The following FRMD3 variants were observed in gnomAD, a reference collection of about 807,000 sequenced individuals.
The protein encoded by FRMD3 is FERM domain containing 3, also known as FERM domain-containing protein 3.
A neutral mutation model predicts 70.2 loss-of-function variants in FRMD3; 33 were observed. That is an observed-to-expected ratio of 0.47 (90% CI 0.36 to 0.63). FRMD3 has a LOEUF of 0.63. Among genes scored for constraint, FRMD3 ranks in the 20% least tolerant of loss-of-function variants. The pLI is 0.00. For missense variants in FRMD3, 632 were observed against 711.4 expected, an observed-to-expected ratio of 0.89 and a Z score of 1.27; for synonymous variants, 279 against 255.9, an observed-to-expected ratio of 1.09 and a Z score of -0.86.
At chr9:83,522,063 G>C (rs920315069) in intron 1 of FRMD3, among the ~76,000 whole-genome samples, 7 of 151,432 alleles carry the variant, frequency 4.6e-5, no homozygotes, top group African/African-American at 1.7e-4. Flanking sequence ...ACCAAGGAAG[G>C]GGGTGTGGGA....
At chr9:83,354,846 A>G (rs1317421749) in intron 3 of FRMD3, among the ~76,000 whole-genome samples, 3 of 152,184 alleles carry the variant, frequency 2.0e-5, no homozygotes, top group African/African-American at 4.8e-5. Flanking sequence ...CCCCACTCCA[A>G]TCAAACCCAT....
At chr9:83,327,128 A>G (rs1836049796) in intron 6 of FRMD3, among the ~76,000 whole-genome samples, 2 of 152,160 alleles carry the variant, frequency 1.3e-5, no homozygotes. Flanking sequence ...GTTCCCTCTG[A>G]CCCATCTGAG....
At chr9:83,464,459 C>A (rs1044472476) in intron 1 of FRMD3, among the ~76,000 whole-genome samples, 10 of 152,190 alleles carry the variant, frequency 6.6e-5, no homozygotes, top group African/African-American at 2.4e-4. Flanking sequence ...GTCACCATCA[C>A]CCCTCTTTGC....
intron 5 of FRMD3, among the ~76,000 whole-genome samples, chr9:83,340,524 A>T (rs1823720677): frequency 6.6e-6 from 1 of 152,184 alleles, no homozygotes. Context: ...ATCCAGCAGG[A>T]GTCAAGATTT....
At chr9:83,254,363 T>A (rs971900502) in intron 13 of FRMD3, among the ~76,000 whole-genome samples, 4 of 151,858 alleles carry the variant, frequency 2.6e-5, no homozygotes, top group South Asian at 2.1e-4. Context: ...AAATTTATAA[T>A]AAAGTTGTAA....
chr9:83,339,937 A>C (rs1404132064), intron 5 of FRMD3, among the ~76,000 whole-genome samples: 1 of 152,220 alleles, frequency 6.6e-6, no homozygotes, highest in Non-Finnish European at 1.5e-5. Context: ...AATCAGGCAC[A>C]GTCATTTAAC....
At position 83,273,060 on chromosome 9, in the gene FRMD3, C is replaced by T. The variant is rs1225432509; in HGVS notation, c.1195+17543G>A. Among the ~76,000 whole-genome samples, 774 of 134,570 alleles carry T rather than the reference C, an allele frequency of 5.8e-3. 12 individuals carry two copies. The highest frequency in any genetic ancestry group is 0.022 in the African/African-American group (740 of 33,910). 88.3% of individuals were successfully genotyped at this position (134,570 alleles called of 152,430 possible). A position where few individuals can be genotyped will look rare whatever the true frequency, so the allele number is the denominator to read the frequency against. ...GCCCCGTCCGGGAGGTGGGGGGGGG[C>T]GCCTCTGCCCGGCCACCCCTTCTGG... On this transcript the variant is annotated intron_variant, in intron 13 of 13. Coordinates refer to ENST00000304195, the MANE Select transcript of FRMD3 (RefSeq NM_174938.6).
In FRMD3 at chr9:83,278,788, G is replaced by C. The variant is rs1052449790; in HGVS notation, c.1195+11815C>G. 2.0e-5 allele frequency among the ~76,000 whole-genome samples: 3 copies of C among 152,294 alleles called. No individual in the cohort carries two copies. The East Asian group carries it at 5.8e-4, about 29-fold the overall frequency. Reference sequence around the variant, plus strand: ...GTCCTGAGGGAGCAGAGTGCTGGGGGTCAGGGCGGGGACCAGGGCAGGGAC... The same window carrying C: ...GTCCTGAGGGAGCAGAGTGCTGGGGCTCAGGGCGGGGACCAGGGCAGGGAC... On this transcript the variant is annotated intron_variant, in intron 13 of 13. Coordinates refer to ENST00000304195, the MANE Select transcript of FRMD3 (RefSeq NM_174938.6).
intron 3 of FRMD3, among the ~76,000 whole-genome samples, chr9:83,371,729 T>C (rs539319881): frequency 6.6e-6 from 1 of 152,298 alleles, no homozygotes; most frequent in African/African-American, 2.4e-5. Context: ...CCCTGGACTT[T>C]CCACACCCAC....
chr9:83,290,700 G>C lies in FRMD3; in HGVS notation c.1098C>G (p.Ser366=). The C allele has an allele frequency of 6.2e-7, 1 of 1,613,354 alleles. No homozygotes were observed. The highest frequency in any genetic ancestry group is 8.5e-7 in the Non-Finnish European group (1 of 1,179,634). ...TGATGAGCTGTTTGTTCAAGGAGTG[G>C]GAACTGCGGCTCTGAGTAATGTTGG... is the stretch of plus-strand genomic sequence containing the variant. The part of the protein sequence containing the change: ...HRANITQSRS[S]HSLNKQLIIN... Residue 366 remains serine, a synonymous_variant, in exon 13 of 14, where the codon TCC becomes TCG. Coordinates refer to ENST00000304195, the MANE Select transcript of FRMD3 (RefSeq NM_174938.6).
chr9:83,357,262 T>TGGA lies in FRMD3; in HGVS notation c.296-7506_296-7505insTCC, dbSNP rs567930315. On this transcript the variant is annotated intron_variant, in intron 3 of 13. Transcript: ENST00000304195. ...TAATACATACATATATATATATATA[T>TGGA]ATATATATATATATATATATATATA... 1.2e-4 allele frequency among the ~76,000 whole-genome samples: 7 copies of TGGA among 60,428 alleles called. 1 individual carries two copies. The highest frequency in any genetic ancestry group is 6.9e-4 in the African/African-American group (7 of 10,162). 39.6% of individuals were successfully genotyped at this position (60,428 alleles called of 152,430 possible).
chr9:83,433,454 C>T (rs1389502753), intron 1 of FRMD3, among the ~76,000 whole-genome samples: 2 of 152,204 alleles, frequency 1.3e-5, no homozygotes, highest in South Asian at 4.1e-4. Context: ...CAGTCCCCAA[C>T]CTTTTTGGCA....
intron 13 of FRMD3, among the ~76,000 whole-genome samples, chr9:83,249,019 G>A (rs553834696): frequency 6.6e-6 from 1 of 152,138 alleles, no homozygotes; most frequent in African/African-American, 2.4e-5. Flanking sequence ...ATATACCCAA[G>A]CTTAAATCAT....
chr9:83,291,442 G>A (rs991536541), intron 12 of FRMD3, among the ~76,000 whole-genome samples: 1 of 152,156 alleles, frequency 6.6e-6, no homozygotes, highest in African/African-American at 2.4e-5. Flanking sequence ...GCAGGTGGAT[G>A]TTTGCACACC....
chr9:83,375,533 T>C (rs1825115563), intron 2 of FRMD3, among the ~76,000 whole-genome samples: 1 of 152,254 alleles, frequency 6.6e-6, no homozygotes. Flanking sequence ...CAATAATGTT[T>C]CAAGGAATTA....
At chr9:83,522,548 T>TA (rs1829595188) in intron 1 of FRMD3, among the ~76,000 whole-genome samples, 1 of 146,432 alleles carries the variant, frequency 6.8e-6, no homozygotes, top group Non-Finnish European at 1.5e-5. Context: ...AACCACAAAT[T>TA]TTATATATAT....
At chr9:83,325,929 T>A (rs962508240) in intron 6 of FRMD3, among the ~76,000 whole-genome samples, 2 of 152,222 alleles carry the variant, frequency 1.3e-5, no homozygotes, top group Non-Finnish European at 2.9e-5. Context: ...TAAAGTTTTA[T>A]TGGAACATCA....
At chr9:83,363,032 T>C (rs182939728) in intron 3 of FRMD3, among the ~76,000 whole-genome samples, 140 of 152,062 alleles carry the variant, frequency 9.2e-4, no homozygotes, top group African/African-American at 2.6e-3. Context: ...CCTCCCTTCC[T>C]TCCTTGTTTT....
At position 83,467,879 on chromosome 9, in the gene FRMD3, C is replaced by T. The variant is rs577748975; in HGVS notation, c.147+70206G>A. 325 of 1,104,006 alleles carry T rather than the reference C, an allele frequency of 2.9e-4. 1 individual carries two copies. The African/African-American group carries it at 4.8e-3, about 16-fold the overall frequency. The allele number at this position is 1,104,006 out of a possible 1,614,324, so 68.4% of individuals were successfully genotyped here. Reference sequence around the variant, plus strand: ...TTAAAAAAGTTACAAACATGAGATGCTTTTAATTGTTCAAGAACCTGCTGG... The same window carrying T: ...TTAAAAAAGTTACAAACATGAGATGTTTTTAATTGTTCAAGAACCTGCTGG... On this transcript the variant is annotated intron_variant, in intron 1 of 13. Transcript: ENST00000304195.
Sources: gnomAD v4.1 joint callset for allele counts (sites outside exome capture counted in the v4.1 genomes callset) on GRCh38, gnomAD v4.1.1 for gene constraint, MANE v1.5 for transcripts, NCBI Gene and HGNC (gene_info 2026-07-23, HGNC 2026-07-21) for gene names.